The following KCNQ5 variants were observed in gnomAD, a reference collection of about 807,000 sequenced individuals.
KCNQ5 encodes potassium voltage-gated channel subfamily KQT member 5.
In KCNQ5, 30 loss-of-function variants were observed where a neutral mutation model predicts 98.2. The ratio of observed to expected loss-of-function variants is 0.31; its 90% CI spans 0.23 to 0.41. The LOEUF is 0.41. Ranked by LOEUF, KCNQ5 falls within the 10% of genes least tolerant of loss-of-function variation. The probability of loss-of-function intolerance (pLI) is 1.00; values close to 1 mark genes in which losing one functional copy is unlikely to be tolerated. For missense variants in KCNQ5, 835 were observed against 1,182.5 expected (o/e 0.71, Z 4.31); for synonymous variants, 458 against 449.4 (o/e 1.02, Z -0.24).
intron 1 of KCNQ5, among the ~76,000 whole-genome samples, chr6:72,748,764 T>G (rs895213943): frequency 6.6e-6 from 1 of 152,128 alleles, no homozygotes; most frequent in Non-Finnish European, 1.5e-5. Flanking sequence ...CCCCTGTTGG[T>G]GCTGTACCAG....
chr6:72,986,748 C>A (rs539236543), intron 1 of KCNQ5: 1,629 of 1,468,294 alleles, frequency 1.1e-3, no homozygotes, highest in Middle Eastern at 2.1e-3. Flanking sequence ...GGGGTGAAAA[C>A]CTCCCCAGAC....
intron 1 of KCNQ5, among the ~76,000 whole-genome samples, chr6:72,945,304 C>T (rs1766486117): frequency 6.6e-6 from 1 of 151,834 alleles, no homozygotes; most frequent in Admixed American, 6.6e-5. Flanking sequence ...GCACAACGTG[C>T]ACGTTAGTTA....
At chr6:72,751,365 G>T (rs1454959096) in intron 1 of KCNQ5, among the ~76,000 whole-genome samples, 1 of 151,760 alleles carries the variant, frequency 6.6e-6, no homozygotes, top group African/African-American at 2.4e-5. Flanking sequence ...GTCGAAGCCA[G>T]ATTTGAGAAA....
At chr6:72,812,046 G>A (rs1047888170) in intron 1 of KCNQ5, among the ~76,000 whole-genome samples, 4 of 152,138 alleles carry the variant, frequency 2.6e-5, no homozygotes, top group Non-Finnish European at 4.4e-5. Flanking sequence ...CATGGTATTT[G>A]TAAACGGTCA....
intron 1 of KCNQ5, among the ~76,000 whole-genome samples, chr6:72,727,615 C>T (rs760615042): frequency 2.0e-5 from 3 of 152,168 alleles, no homozygotes; most frequent in Non-Finnish European, 4.4e-5. Flanking sequence ...ACTGGTACTC[C>T]TTCAGTAATG....
rs139481891 is a variant in KCNQ5, at chr6:72,666,123, G to A, written c.398+43536G>A. ...GTATAATTGCACTGTATCTGTAAGA[G>A]TAGAAGACGTCAATCTTAAAAGATT... On this transcript the variant is annotated intron_variant, in intron 1 of 13. Transcript: ENST00000370398. Among the ~76,000 whole-genome samples the A allele has an allele frequency of 2.6e-3, 389 of 152,296 alleles. 1 individual carries two copies. The highest frequency in any genetic ancestry group is 4.4e-3 in the Non-Finnish European group (301 of 68,020).
At chr6:72,738,508 T>G (rs180715765) in intron 1 of KCNQ5, among the ~76,000 whole-genome samples, 125 of 152,326 alleles carry the variant, frequency 8.2e-4, no homozygotes, top group African/African-American at 2.9e-3. Flanking sequence ...GGTAAGACTT[T>G]CAGTTCACAG....
chr6:72,794,598 A>G (rs1213942962), intron 1 of KCNQ5, among the ~76,000 whole-genome samples: 1 of 152,218 alleles, frequency 6.6e-6, no homozygotes, highest in African/African-American at 2.4e-5. Context: ...ATAACATTTC[A>G]GGGGTGCAAA....
At chr6:73,056,913 A>G (rs1419638957) in intron 3 of KCNQ5, among the ~76,000 whole-genome samples, 1 of 152,202 alleles carries the variant, frequency 6.6e-6, no homozygotes, top group Non-Finnish European at 1.5e-5. Flanking sequence ...TGTGGAAGAC[A>G]GTGTGGTGAT....
chr6:72,729,290 G>T (rs1770437548), intron 1 of KCNQ5, among the ~76,000 whole-genome samples: 1 of 152,162 alleles, frequency 6.6e-6, no homozygotes, highest in Non-Finnish European at 1.5e-5. Context: ...TAAAGTCAAA[G>T]GGTTTAGGAG....
intron 1 of KCNQ5, among the ~76,000 whole-genome samples, chr6:72,709,108 G>T (rs931382329): frequency 1.3e-5 from 2 of 152,112 alleles, no homozygotes; most frequent in Admixed American, 1.3e-4. Flanking sequence ...CCCCACAAAG[G>T]TGCTGGGATT....
chr6:73,161,675 G>T (rs1047186852), intron 10 of KCNQ5, among the ~76,000 whole-genome samples: 3 of 152,120 alleles, frequency 2.0e-5, no homozygotes, highest in African/African-American at 7.2e-5. Flanking sequence ...AGGTGACTAA[G>T]AAAAAGAACT....
chr6:73,156,246 A>G (rs1777357999), intron 10 of KCNQ5, among the ~76,000 whole-genome samples: 1 of 152,248 alleles, frequency 6.6e-6, no homozygotes, highest in Non-Finnish European at 1.5e-5. Context: ...TAAATTAGTT[A>G]TCACCACCAT....
intron 3 of KCNQ5, among the ~76,000 whole-genome samples, chr6:73,050,965 A>G (rs1206637293): frequency 6.6e-6 from 1 of 152,184 alleles, no homozygotes; most frequent in Non-Finnish European, 1.5e-5. Context: ...CACAATTTGT[A>G]TATTCATTTA....
At chr6:73,124,887 G>A (rs1775885171) in intron 9 of KCNQ5, among the ~76,000 whole-genome samples, 1 of 138,928 alleles carries the variant, frequency 7.2e-6, no homozygotes, top group African/African-American at 2.6e-5. Context: ...AAAAGTCCAG[G>A]CAGCAGTCTA....
intron 1 of KCNQ5, among the ~76,000 whole-genome samples, chr6:72,928,818 T>C (rs1477068713): frequency 6.6e-6 from 1 of 152,182 alleles, no homozygotes; most frequent in Non-Finnish European, 1.5e-5. Flanking sequence ...AGCACAGTTC[T>C]CTACTCTGCA....
intron 9 of KCNQ5, among the ~76,000 whole-genome samples, chr6:73,125,146 T>A (rs1775925086): frequency 2.0e-5 from 3 of 150,772 alleles, no homozygotes; most frequent in African/African-American, 4.9e-5. Context: ...CTCAAGTGAC[T>A]CAAAGAGCCC....
intron 1 of KCNQ5, among the ~76,000 whole-genome samples, chr6:72,809,991 G>C (rs976952342): frequency 1.3e-5 from 2 of 152,094 alleles, no homozygotes; most frequent in African/African-American, 4.8e-5. Context: ...CTTTTAATGG[G>C]CCCTGAATGA....
intron 1 of KCNQ5, among the ~76,000 whole-genome samples, chr6:72,817,534 A>G (rs1176496695): frequency 6.6e-6 from 1 of 152,200 alleles, no homozygotes; most frequent in African/African-American, 2.4e-5. Flanking sequence ...GCTCAGTGCA[A>G]TCATGGAACC....
Sources: allele counts gnomAD v4.1 joint callset (sites outside exome capture counted in the v4.1 genomes callset), GRCh38; gene constraint gnomAD v4.1.1; transcripts MANE v1.5; gene names NCBI Gene and HGNC (gene_info 2026-07-23, HGNC 2026-07-21).